The following MID1 variants were observed in gnomAD, a reference collection of about 807,000 sequenced individuals.
MID1 encodes the protein E3 ubiquitin-protein ligase Midline-1.
Under a neutral mutation model 40.4 loss-of-function variants are expected in MID1, and 7 were observed. The observed-to-expected ratio is 0.17, with a 90% CI of 0.10 to 0.33. The LOEUF (loss-of-function observed/expected upper bound fraction) is 0.33. Among genes scored for constraint, MID1 ranks in the 10% least tolerant of loss-of-function variants. The pLI, the probability that MID1 is intolerant of heterozygous loss-of-function variation, is 1.00. For missense variants in MID1, 367 were observed against 558.5 expected (o/e 0.66, Z 3.46); for synonymous variants, 229 against 221.2 (o/e 1.04, Z -0.31).
upstream of MID1, among the ~76,000 whole-genome samples, chrX:10,623,260 A>T (rs1295518337): frequency 9.5e-6 from 1 of 104,900 alleles, no homozygotes; most frequent in Non-Finnish European, 1.9e-5. Context: ...AAAAGAAAAA[A>T]AAATAAAGAA....
chrX:10,681,074 A>C (rs1253090480), intron 1 of MID1, among the ~76,000 whole-genome samples: 2 of 101,312 alleles, frequency 2.0e-5, no homozygotes, highest in East Asian at 6.2e-4. Flanking sequence ...TAATAATAAT[A>C]ATGCTACACA....
chrX:10,640,952 G>A (rs1278348761), intron 1 of MID1, among the ~76,000 whole-genome samples: 7 of 111,914 alleles, frequency 6.3e-5, no homozygotes, highest in African/African-American at 2.3e-4. Flanking sequence ...AAATAAAGAT[G>A]TTCTTTGAAA....
Position 10,584,586 on chromosome X carries a change from T to G in MID1, c.-56-16983A>C, listed in dbSNP as rs1935094812. 4.4e-5 allele frequency among the ~76,000 whole-genome samples: 5 copies of G among 112,430 alleles called. No individual in the cohort carries two copies. In the South Asian group the frequency reaches 1.9e-3, roughly 42 times the overall value. ...CTTTATGACCGGTGAGCACCAAAGA[T>G]GAGTTAAGACTAGATCCCACTGGCT... is the stretch of plus-strand genomic sequence containing the variant. On this transcript the variant is annotated intron_variant, in intron 1 of 9. Coordinates refer to ENST00000317552, the MANE Select transcript of MID1 (RefSeq NM_000381.4).
chrX:10,452,714 G>A (rs753991879), intron 9 of MID1, among the ~76,000 whole-genome samples: 64 of 111,897 alleles, frequency 5.7e-4, no homozygotes, highest in African/African-American at 1.9e-3. Flanking sequence ...AATTGACACC[G>A]TCAGGTTTGT....
At chrX:10,689,780 T>C (rs2043121502) in intron 1 of MID1, among the ~76,000 whole-genome samples, 1 of 110,298 alleles carries the variant, frequency 9.1e-6, no homozygotes, top group East Asian at 2.8e-4. Context: ...AATTTCCTTC[T>C]CCTTACACAT....
intron 1 of MID1, among the ~76,000 whole-genome samples, chrX:10,591,674 C>T (rs747973926): frequency 2.7e-5 from 3 of 110,026 alleles, no homozygotes; most frequent in South Asian, 4.0e-4. Flanking sequence ...TCCGTTCCCC[C>T]TTCCCACCTC....
At chrX:10,817,116 G>A (rs980066163) in intron 1 of MID1, among the ~76,000 whole-genome samples, 1 of 112,163 alleles carries the variant, frequency 8.9e-6, no homozygotes, top group African/African-American at 3.2e-5. Flanking sequence ...TCCACAGAAA[G>A]GTGGAAATGA....
At chrX:10,615,400 A>G (rs1935822495) in intron 1 of MID1, among the ~76,000 whole-genome samples, 1 of 112,404 alleles carries the variant, frequency 8.9e-6, no homozygotes, top group South Asian at 3.7e-4. Context: ...ATTGAATGAT[A>G]TAAGAAAGGA....
intron 4 of MID1, among the ~76,000 whole-genome samples, chrX:10,494,449 G>C (rs1001183262): frequency 6.3e-5 from 7 of 110,858 alleles, no homozygotes; most frequent in Non-Finnish European, 1.3e-4. Context: ...ATAAATAAAC[G>C]CTTCTATTTT....
chrX:10,474,777 A>G, intron 5 of MID1, 27 bp from the exon 6 acceptor site: 1 of 1,192,797 alleles, frequency 8.4e-7, no homozygotes, highest in African/African-American at 1.7e-5. Context: ...ACAATGTTTC[A>G]GAAATGTCAA....
intron 2 of MID1, among the ~76,000 whole-genome samples, chrX:10,558,065 T>TAA (rs368289385): frequency 0.032 from 2,900 of 89,747 alleles, 131 homozygotes; most frequent in African/African-American, 0.11. Flanking sequence ...CTCTCTCTCT[T>TAA]AAAAAAAAAA....
intron 1 of MID1, among the ~76,000 whole-genome samples, chrX:10,669,840 T>G (rs1332207432): frequency 8.9e-6 from 1 of 112,424 alleles, no homozygotes; most frequent in African/African-American, 3.2e-5. Context: ...ATAGCAATAT[T>G]GATTTTAGCA....
intron 1 of MID1, among the ~76,000 whole-genome samples, chrX:10,832,480 T>C (rs1017529375): frequency 8.9e-6 from 1 of 112,379 alleles, no homozygotes; most frequent in Non-Finnish European, 1.9e-5. Flanking sequence ...GTGCCACTTG[T>C]TGCAGTCAGT....
intron 1 of MID1, among the ~76,000 whole-genome samples, chrX:10,577,333 C>T (rs1043204689): frequency 3.6e-5 from 4 of 111,615 alleles, no homozygotes; most frequent in Non-Finnish European, 5.6e-5. Context: ...CTTTCAGTGT[C>T]GTACTGAGCA....
chrX:10,797,711 T>C (rs1335361848), intron 1 of MID1, among the ~76,000 whole-genome samples: 2 of 111,745 alleles, frequency 1.8e-5, no homozygotes, highest in African/African-American at 6.5e-5. Flanking sequence ...AGTAAACATA[T>C]ACATGATAGA....
intron 1 of MID1, among the ~76,000 whole-genome samples, chrX:10,757,200 T>A (rs1318604031): frequency 8.9e-6 from 1 of 112,408 alleles, no homozygotes; most frequent in Non-Finnish European, 1.9e-5. Context: ...GTCCAGGTTG[T>A]GCTGCTGCTA....
chrX:10,456,886 G>GA (rs1238765549), intron 8 of MID1, among the ~76,000 whole-genome samples: 2 of 111,607 alleles, frequency 1.8e-5, no homozygotes, highest in Non-Finnish European at 3.8e-5. Flanking sequence ...GGGGAGCAGA[G>GA]AAAACCCTCA....
At chrX:10,736,993 T>C (rs2043492298) in intron 1 of MID1, among the ~76,000 whole-genome samples, 2 of 112,162 alleles carry the variant, frequency 1.8e-5, no homozygotes, top group Non-Finnish European at 3.8e-5. Flanking sequence ...ATATAAGATA[T>C]ATTTTTGTGG....
intron 2 of MID1, among the ~76,000 whole-genome samples, chrX:10,546,789 T>C (rs187307903): frequency 2.2e-4 from 24 of 111,439 alleles, no homozygotes; most frequent in African/African-American, 7.8e-4. Flanking sequence ...AGTAGTGAAG[T>C]TTTACTAGGG....
Sources: gnomAD v4.1 joint callset for allele counts (sites outside exome capture counted in the v4.1 genomes callset) on GRCh38, gnomAD v4.1.1 for gene constraint, MANE v1.5 for transcripts, NCBI Gene and HGNC (gene_info 2026-07-23, HGNC 2026-07-21) for gene names.